Variants in TBC1D32 observed in about 807,000 individuals in gnomAD.
The protein encoded by TBC1D32 is TBC1 domain family member 32.
In TBC1D32, 151 loss-of-function variants were observed where a neutral mutation model predicts 170.3. The ratio of observed to expected loss-of-function variants is 0.89; its 90% CI spans 0.78 to 1.01. The LOEUF (loss-of-function observed/expected upper bound fraction) is 1.01. Ranked by LOEUF, TBC1D32 falls within the 50% of genes least tolerant of loss-of-function variation. The pLI is 0.00. For synonymous variants in TBC1D32, 498 were observed against 488.0 expected, an observed-to-expected ratio of 1.02 and a Z score of -0.27; for missense variants, 1,464 against 1,457.1, an observed-to-expected ratio of 1.00 and a Z score of -0.08.
chr6:121,303,439 G>T (rs1271238267), intron 9 of TBC1D32, among the ~76,000 whole-genome samples, 178 bp downstream of exon 9: 1 of 152,048 alleles, frequency 6.6e-6, no homozygotes, highest in Non-Finnish European at 1.5e-5. Flanking sequence ...CTCAGTTACT[G>T]CATCTGAAAA....
chr6:121,250,763 A>G (rs938114487), intron 17 of TBC1D32, among the ~76,000 whole-genome samples: 7 of 152,190 alleles, frequency 4.6e-5, no homozygotes, highest in African/African-American at 1.4e-4. Context: ...AAAGAAATAA[A>G]AGGTATTCAA....
intron 4 of TBC1D32, among the ~76,000 whole-genome samples, chr6:121,310,207 A>G (rs1195800768): frequency 6.6e-6 from 1 of 152,128 alleles, no homozygotes; most frequent in Non-Finnish European, 1.5e-5. Flanking sequence ...TATGTTAATA[A>G]CAATGTTTTA....
chr6:121,098,052 G>C (rs1325931150), intron 30 of TBC1D32, among the ~76,000 whole-genome samples: 1 of 151,884 alleles, frequency 6.6e-6, no homozygotes, highest in South Asian at 2.1e-4. Flanking sequence ...ATTGGGGAGT[G>C]GGGGCCTAGG....
In TBC1D32 at chr6:121,218,923, G is replaced by GT. The variant is rs1794170656; in HGVS notation, c.2481+4312dup. Among the ~76,000 whole-genome samples, 5 of 152,106 alleles carry GT rather than the reference G, an allele frequency of 3.3e-5. No individual in the cohort carries two copies. In the East Asian group the frequency reaches 9.6e-4, roughly 29 times the overall value. Reference sequence around the variant, plus strand: ...GTTTTCTTCCCCTTCCACCATGATTGTAAGTTTCCTGAGTCTCCCCAGCCA... The same window carrying GT: ...GTTTTCTTCCCCTTCCACCATGATTGTTAAGTTTCCTGAGTCTCCCCAGCCA... On this transcript the variant is annotated intron_variant, in intron 21 of 31. Transcript: ENST00000398212.
chr6:121,289,367 A>C (rs1340035953), intron 12 of TBC1D32, among the ~76,000 whole-genome samples: 1 of 152,184 alleles, frequency 6.6e-6, no homozygotes, highest in African/African-American at 2.4e-5. Flanking sequence ...AATAACAGAC[A>C]AACAGCCAAA....
chr6:121,212,012 C>G (rs1239594531), intron 21 of TBC1D32, among the ~76,000 whole-genome samples: 1 of 151,918 alleles, frequency 6.6e-6, no homozygotes, highest in Non-Finnish European at 1.5e-5. Flanking sequence ...CACACACACA[C>G]ACACACACAC....
chr6:121,101,687 AT>A (rs774433496), intron 30 of TBC1D32, among the ~76,000 whole-genome samples: 2 of 152,190 alleles, frequency 1.3e-5, no homozygotes, highest in Non-Finnish European at 2.9e-5. Flanking sequence ...CAAGACAGGG[AT>A]GCCCTCTCTC....
intron 22 of TBC1D32, among the ~76,000 whole-genome samples, chr6:121,185,675 A>G (rs1349447985): frequency 6.6e-6 from 1 of 152,030 alleles, no homozygotes; most frequent in Non-Finnish European, 1.5e-5. Flanking sequence ...CTTACACCAT[A>G]CACAAAACTT....
At chr6:121,323,127 G>A (rs1369674886) in intron 1 of TBC1D32, among the ~76,000 whole-genome samples, 1 of 152,136 alleles carries the variant, frequency 6.6e-6, no homozygotes, top group African/African-American at 2.4e-5. Context: ...TTTAATGTCT[G>A]CATCTTCTGC....
chr6:121,112,649 T>C lies in TBC1D32; in HGVS notation c.3180A>G (p.Gln1060=). 2 of 1,570,356 alleles carry C rather than the reference T, an allele frequency of 1.3e-6. No individual in the cohort carries two copies. Among genetic ancestry groups the C allele is most frequent in the Non-Finnish European group, 1.7e-6 (2 of 1,161,332 alleles). The stretch of plus-strand genomic sequence containing the variant: ...ACCAGTCATGGCCAGCATAATTCCC[T>C]TGCAGGCAGACTGAAAAACACAGTT... ...TSIKSSLLCL[Q]GNYAGHDWFV... Residue 1060 remains glutamine, a synonymous_variant, in exon 29 of 32, where the codon CAA becomes CAG. Transcript: ENST00000398212.
At chr6:121,297,465 A>T (rs894212402) in intron 10 of TBC1D32, among the ~76,000 whole-genome samples, 1 of 152,126 alleles carries the variant, frequency 6.6e-6, no homozygotes, top group Non-Finnish European at 1.5e-5. Flanking sequence ...GGCACTACAT[A>T]AAACCATTTC....
chr6:121,206,188 T>C (rs909919782), intron 21 of TBC1D32, among the ~76,000 whole-genome samples: 2 of 145,432 alleles, frequency 1.4e-5, no homozygotes, highest in African/African-American at 2.6e-5. Flanking sequence ...CCAGCCTAGG[T>C]GACAAAGCAA....
At chr6:121,319,677 A>G (rs1809421678) in intron 2 of TBC1D32, among the ~76,000 whole-genome samples, 1 of 152,224 alleles carries the variant, frequency 6.6e-6, no homozygotes, top group African/African-American at 2.4e-5. Flanking sequence ...TTTCGCTTTG[A>G]ACATGAATGT....
intron 22 of TBC1D32, 66 bp from the exon 23 acceptor site, chr6:121,161,122 GT>G: frequency 8.1e-7 from 1 of 1,228,428 alleles, no homozygotes; most frequent in Admixed American, 2.3e-5. Flanking sequence ...TTTAAATCAA[GT>G]CTCTGGATTG....
At chr6:121,247,695 C>CAAAAAAAAAAAAAAAAAAAAAAA (rs34914027) in intron 17 of TBC1D32, among the ~76,000 whole-genome samples, 7 of 46,568 alleles carry the variant, frequency 1.5e-4, no homozygotes, top group African/African-American at 2.0e-4. Flanking sequence ...GGCTTTAAAG[C>CAAAAAAAAAAAAAAAAAAAAAAA]AAAAAAAAAA....
At chr6:121,266,915 G>T (rs1003510614) in intron 15 of TBC1D32, among the ~76,000 whole-genome samples, 4 of 151,918 alleles carry the variant, frequency 2.6e-5, no homozygotes, top group African/African-American at 9.7e-5. Flanking sequence ...CTGTCGGTGG[G>T]GAAGGGGCAA....
chr6:121,297,642 A>T (rs1170124127), intron 10 of TBC1D32, among the ~76,000 whole-genome samples: 2 of 152,128 alleles, frequency 1.3e-5, no homozygotes, highest in African/African-American at 2.4e-5. Flanking sequence ...AAAAACCAAC[A>T]GCATATACAA....
chr6:121,224,855 A>G (rs1221317403), intron 20 of TBC1D32, among the ~76,000 whole-genome samples: 1 of 152,140 alleles, frequency 6.6e-6, no homozygotes, highest in African/African-American at 2.4e-5. Flanking sequence ...AAACTTATTG[A>G]AATCATCCTT....
At chr6:121,206,174 C>A (rs1380517495) in intron 21 of TBC1D32, among the ~76,000 whole-genome samples, 3 of 149,110 alleles carry the variant, frequency 2.0e-5, no homozygotes, top group East Asian at 3.9e-4. Context: ...CATGCCACTG[C>A]ACTCCAGCCT....
Sources: allele counts gnomAD v4.1 joint callset (sites outside exome capture counted in the v4.1 genomes callset), GRCh38; gene constraint gnomAD v4.1.1; transcripts MANE v1.5; gene names NCBI Gene and HGNC (gene_info 2026-07-23, HGNC 2026-07-21).